RYR1: variants seen among roughly 807,000 people sequenced by gnomAD.
RYR1 encodes the protein ryanodine receptor 1.
RYR1 carries 342 observed loss-of-function variants against 583.5 expected under a neutral mutation model. That is an observed-to-expected ratio of 0.59 (90% CI 0.54 to 0.64). RYR1 has a LOEUF of 0.64. Among genes scored for constraint, RYR1 ranks in the 30% least tolerant of loss-of-function variants. The probability of loss-of-function intolerance (pLI) is 0.00; values close to 1 mark genes in which losing one functional copy is unlikely to be tolerated. For synonymous variants in RYR1, 2,791 were observed against 2,822.5 expected, an observed-to-expected ratio of 0.99 and a Z score of 0.35; for missense variants, 6,032 against 6,917.2, an observed-to-expected ratio of 0.87 and a Z score of 4.54.
rs1335571259 is a variant in RYR1 at position 38,565,200 on chromosome 19, CGGCGGCGGG to C, written c.12871_12879del (p.Ala4291_Ala4293del). On this transcript the variant is annotated inframe_deletion, in exon 91 of 106. Coordinates refer to ENST00000359596, the MANE Select transcript of RYR1 (RefSeq NM_000540.3). This position sits in a 1 kb window ranked among gnomAD's most constrained non-coding sequence, Gnocchi z 4.7. ...GGGCTCGAGGGCACGGCGGCCACGG[CGGCGGCGGG>C]GGCGACGGCGCGGGTTGTGGCGGCC... is the stretch of plus-strand genomic sequence containing the variant. 2.9e-6 allele frequency: 3 copies of C among 1,019,760 alleles called. No homozygotes were observed. The highest frequency in any genetic ancestry group is 3.5e-6 in the Non-Finnish European group (3 of 854,254). The allele number at this position is 1,019,760 out of a possible 1,614,324, so 63.2% of individuals were successfully genotyped here.
At position 38,443,613 on chromosome 19, in the gene RYR1, G is replaced by A. The variant is rs762278203; in HGVS notation, c.326G>A (p.Arg109Gln). The A allele has an allele frequency of 1.1e-5, 17 of 1,613,968 alleles. No homozygotes were observed. The highest frequency in any genetic ancestry group is 2.7e-5 in the African/African-American group (2 of 74,898). Residue 109 changes from arginine (R) to glutamine (Q), a missense_variant, in exon 4 of 106, where the codon CGG becomes CAG. Arg to Gln is a conservative substitution (Grantham distance 43). Transcript: ENST00000359596. The stretch of plus-strand genomic sequence containing the variant: ...CTGTATGGCCATGCCATCCTGCTCC[G>A]GCATGCACACAGCCGCATGGTGAGT... Reference protein sequence around the residue: ...TLLYGHAILLRHAHSRMYLSC... With the variant: ...TLLYGHAILLQHAHSRMYLSC...
chr19:38,558,038 A>G (rs1365341454), intron 89 of RYR1, among the ~76,000 whole-genome samples: 1 of 152,068 alleles, frequency 6.6e-6, no homozygotes, highest in Non-Finnish European at 1.5e-5. Flanking sequence ...GCCAGGCACG[A>G]TGACTCATGC....
chr19:38,455,806 C>T (rs201979769), intron 16 of RYR1, 55 bp downstream of exon 16: 2 of 1,100,770 alleles, frequency 1.8e-6, no homozygotes, highest in Non-Finnish European at 1.4e-6. Context: ...CTGGCCTCTC[C>T]CCAGGGCTCC....
Position 38,439,748 on chromosome 19 carries a change from T to C in RYR1, c.46-997T>C, listed in dbSNP as rs566132689. On this transcript the variant is annotated intron_variant, in intron 1 of 105. Coordinates refer to ENST00000359596, the MANE Select transcript of RYR1 (RefSeq NM_000540.3). ...GTCTCGAACTCCTGACCTCAAGTGA[T>C]CCACCTCCTCGGCCTCCCAGAGTGC... is the stretch of plus-strand genomic sequence containing the variant. Among the ~76,000 whole-genome samples the C allele has an allele frequency of 2.0e-5, 3 of 152,164 alleles. No homozygotes were observed. In the East Asian group the frequency reaches 5.8e-4, roughly 29 times the overall value.
At chr19:38,527,610 G>C (rs1971524166) in intron 72 of RYR1, 37 bp from the exon 73 acceptor site, 1 of 1,612,708 alleles carries the variant, frequency 6.2e-7, no homozygotes, top group East Asian at 2.2e-5. Context: ...TGTGGGAAGG[G>C]TCCCTCACGC....
chr19:38,585,794 A>C, intron 102 of RYR1, 144 bp from the exon 103 acceptor site: 1 of 1,026,270 alleles, frequency 9.7e-7, no homozygotes, highest in Non-Finnish European at 1.5e-6. Flanking sequence ...ATAAAGGCCT[A>C]ATACTATCTT....
chr19:38,502,817 A>AGGGGGAGGGGG, intron 48 of RYR1, 63 bp from the exon 49 acceptor site: 1 of 1,198,870 alleles, frequency 8.3e-7, no homozygotes, highest in Non-Finnish European at 1.1e-6. Context: ...GGGGAGGAGC[A>AGGGGGAGGGGG]GGGGCAGGGG....
chr19:38,515,246 C>A, intron 64 of RYR1, 139 bp downstream of exon 64: 1 of 730,432 alleles, frequency 1.4e-6, no homozygotes, highest in Non-Finnish European at 2.4e-6. Flanking sequence ...CGGTTCCCCA[C>A]GGCGGCCGCG....
At chr19:38,563,507 C>T (rs891572381) in intron 90 of RYR1, among the ~76,000 whole-genome samples, 4 of 152,194 alleles carry the variant, frequency 2.6e-5, no homozygotes, top group East Asian at 1.9e-4. Flanking sequence ...TCAGGTGATC[C>T]GCCCGCCTCG....
intron 33 of RYR1, among the ~76,000 whole-genome samples, chr19:38,484,068 TG>T (rs1969153092): frequency 6.6e-6 from 1 of 152,054 alleles, no homozygotes; most frequent in Non-Finnish European, 1.5e-5. Flanking sequence ...GCCTCACACC[TG>T]TAATCCCAGC....
chr19:38,438,275 C>T (rs1972512026), intron 1 of RYR1, among the ~76,000 whole-genome samples: 1 of 152,024 alleles, frequency 6.6e-6, no homozygotes, highest in South Asian at 2.1e-4. Context: ...TCTCTTACAT[C>T]AGCCTGGGTT....
rs1369902683 is a variant in RYR1 at position 38,515,053 on chromosome 19, G to A, written c.9500G>A (p.Arg3167Gln). ...ILDDVQVSCYRTLCSIYSLGT... is the reference protein window; with the variant it reads ...ILDDVQVSCYQTLCSIYSLGT... ...GACGACGTCCAGGTCTCTTGCTACC[G>A]AACGCTGTGCAGTATCTACTCCCTG... is the stretch of plus-strand genomic sequence containing the variant. The change falls in exon 64 of 106, where the codon CGA becomes CAA. Residue 3167 changes from arginine (R) to glutamine (Q), a missense_variant. Physicochemically the swap from Arg to Gln is conservative, Grantham distance 43 (BLOSUM62 1). This residue lies in a region of RYR1 where 1,493 missense variants were observed against 1,715.5 expected (regional missense o/e 0.87). Coordinates refer to ENST00000359596, the MANE Select transcript of RYR1 (RefSeq NM_000540.3). The A allele has an allele frequency of 6.2e-7, 1 of 1,612,334 alleles. No individual in the cohort carries two copies. The highest frequency in any genetic ancestry group is 1.3e-5 in the African/African-American group (1 of 74,712).
chr19:38,505,522 A>G, intron 53 of RYR1, 124 bp downstream of exon 53: 1 of 804,400 alleles, frequency 1.2e-6, no homozygotes, highest in South Asian at 1.5e-5. Flanking sequence ...AGGTCTCCCC[A>G]TTCATGGACT....
chr19:38,533,228 G>A (rs1971821171), intron 78 of RYR1, among the ~76,000 whole-genome samples: 1 of 152,170 alleles, frequency 6.6e-6, no homozygotes, highest in African/African-American at 2.4e-5. Context: ...AATAGTATAT[G>A]CCAAGGCCAG....
intron 101 of RYR1, among the ~76,000 whole-genome samples, chr19:38,581,516 T>C (rs1974208371): frequency 6.6e-6 from 1 of 151,936 alleles, no homozygotes; most frequent in Admixed American, 6.6e-5. Context: ...CACCTGGCCA[T>C]GTCAGATACT....
Position 38,499,627 on chromosome 19 carries a change from G to A in RYR1, c.7028-8G>A, listed in dbSNP as rs147390699. 1.4e-5 allele frequency: 22 copies of A among 1,597,400 alleles called. No homozygotes were observed. In the African/African-American group the frequency reaches 2.9e-4, roughly 21 times the overall value. On this transcript the variant is annotated splice_polypyrimidine_tract_variant and splice_region_variant and intron_variant, in intron 43 of 105. Transcript: ENST00000359596. This position sits in a 1 kb window ranked among gnomAD's most constrained non-coding sequence, Gnocchi z 7.3. ...CATGAGACCCCCTTTCCCCATGCGG[G>A]TGGCCAGGCGAGAGCGTGGAGGAGA...
At position 38,483,506 on chromosome 19, in the gene RYR1, G is replaced by A. The variant is rs1041070277; in HGVS notation, c.4924G>A (p.Glu1642Lys). The A allele has an allele frequency of 1.5e-5, 24 of 1,548,892 alleles. No individual in the cohort carries two copies. The highest frequency in any genetic ancestry group is 8.2e-5 in the African/African-American group (6 of 73,596). The change falls in exon 33 of 106, where the codon GAG becomes AAG. Residue 1642 changes from glutamate (E) to lysine (K), a missense_variant. Around this residue, in one of 11 missense-constraint regions of RYR1, gnomAD observed 2,627 missense variants for 2,961.3 expected, o/e 0.89. Transcript: ENST00000359596. The surrounding 1 kb of genome is among the most constrained non-coding windows in gnomAD (Gnocchi z 6.3). The part of the protein sequence containing the change: ...PLTMMALHIP[E>K]ENRCMDILEL... The stretch of plus-strand genomic sequence containing the variant: ...GACCATGATGGCGCTGCACATCCCC[G>A]AGGAGAACCGGTCAGGGCCAGCCCA...
chr19:38,547,128 C>T (rs1972467283), intron 88 of RYR1, among the ~76,000 whole-genome samples: 1 of 151,564 alleles, frequency 6.6e-6, no homozygotes, highest in Admixed American at 6.6e-5. Flanking sequence ...CAAGCTCCGC[C>T]TCCCAGGTTC....
chr19:38,515,358 C>CG (rs1412021080), intron 64 of RYR1, among the ~76,000 whole-genome samples: 1 of 152,114 alleles, frequency 6.6e-6, no homozygotes, highest in East Asian at 1.9e-4. Context: ...GCGCAGACCA[C>CG]GGGGGCTGCA....
Sources: allele counts gnomAD v4.1 joint callset (sites outside exome capture counted in the v4.1 genomes callset), GRCh38; gene constraint gnomAD v4.1.1; regional missense constraint gnomAD v4.1.1; non-coding constraint Gnocchi (gnomAD v3.1); transcripts MANE v1.5; gene names NCBI Gene and HGNC (gene_info 2026-07-23, HGNC 2026-07-21).